KCNN3: variants seen among roughly 807,000 people sequenced by gnomAD.
The protein encoded by KCNN3 is small conductance calcium-activated potassium channel protein 3.
Under a neutral mutation model 62.9 loss-of-function variants are expected in KCNN3, and 16 were observed. That is an observed-to-expected ratio of 0.25 (90% CI 0.17 to 0.39). KCNN3 has a LOEUF of 0.39. Ranked by LOEUF, KCNN3 falls within the 10% of genes least tolerant of loss-of-function variation. The pLI is 1.00. For synonymous variants in KCNN3, 370 were observed against 389.2 expected (o/e 0.95, Z 0.58); for missense variants, 599 against 949.4 (o/e 0.63, Z 4.85).
intron 2 of KCNN3, among the ~76,000 whole-genome samples, chr1:154,775,408 C>A (rs1318388186): frequency 6.6e-6 from 1 of 152,128 alleles, no homozygotes; most frequent in African/African-American, 2.4e-5. Context: ...CCTTGCCGAG[C>A]CTCAGTTTCT....
At position 154,715,012 on chromosome 1, in the gene KCNN3, GAATA is replaced by G. The variant is rs1384807927; in HGVS notation, c.1702-13_1702-10del. ...GCTGCAGCATTCTTGATCTAAGGAA[GAATA>G]AATAAAGTAGGCTGCTATCAGGTTC... On this transcript the variant is annotated splice_polypyrimidine_tract_variant and intron_variant, in intron 5 of 7. Transcript: ENST00000271915. 1.9e-6 allele frequency: 3 copies of G among 1,613,518 alleles called. No homozygotes were observed.
Position 154,772,482 on chromosome 1 carries a change from G to T in KCNN3, c.1030-89C>A. The T allele has an allele frequency of 7.4e-7, 1 of 1,344,908 alleles. No individual in the cohort carries two copies. Among genetic ancestry groups the T allele is most frequent in the Non-Finnish European group, 1.1e-6 (1 of 951,542 alleles). 83.3% of individuals were successfully genotyped at this position (1,344,908 alleles called of 1,614,324 possible). A position where few individuals can be genotyped will look rare whatever the true frequency, so the allele number is the denominator to read the frequency against. On this transcript the variant is annotated intron_variant, in intron 2 of 7. Coordinates refer to ENST00000271915, the MANE Select transcript of KCNN3 (RefSeq NM_002249.6). The surrounding 1 kb of genome is among the most constrained non-coding windows in gnomAD (Gnocchi z 5.6). ...AGGACAGGTGGGGCAGGCTGGGGCA[G>T]GCTGCTGGGCTCAGGTCAGCCTGAC...
intron 2 of KCNN3, among the ~76,000 whole-genome samples, chr1:154,808,635 T>G (rs1356639431): frequency 2.6e-5 from 4 of 152,114 alleles, no homozygotes; most frequent in Non-Finnish European, 5.9e-5. Flanking sequence ...CTGAATGAAT[T>G]AATCACCTTT....
At chr1:154,732,329 G>A in intron 4 of KCNN3, among the ~76,000 whole-genome samples, 1 of 152,248 alleles carries the variant, frequency 6.6e-6, no homozygotes, top group East Asian at 1.9e-4. Context: ...GCACTGGGCA[G>A]GAGAGATACA....
At chr1:154,834,360 C>T (rs1651495836) in intron 1 of KCNN3, among the ~76,000 whole-genome samples, 1 of 152,234 alleles carries the variant, frequency 6.6e-6, no homozygotes, top group South Asian at 2.1e-4. Flanking sequence ...GATGCAAAGA[C>T]TCCTTGGGTG....
chr1:154,760,714 G>A (rs1647965292), intron 3 of KCNN3, among the ~76,000 whole-genome samples: 2 of 152,224 alleles, frequency 1.3e-5, no homozygotes, highest in South Asian at 4.1e-4. Flanking sequence ...CAACACCGCG[G>A]GGACGCCCGG....
chr1:154,860,486 G>A (rs1331717523), intron 1 of KCNN3, among the ~76,000 whole-genome samples: 1 of 152,184 alleles, frequency 6.6e-6, no homozygotes, highest in Non-Finnish European at 1.5e-5. Context: ...CTAACTGAGT[G>A]TAGAATAACA....
At chr1:154,811,724 A>T (rs901305618) in intron 2 of KCNN3, among the ~76,000 whole-genome samples, 1 of 152,224 alleles carries the variant, frequency 6.6e-6, no homozygotes, top group Non-Finnish European at 1.5e-5. Flanking sequence ...TCTCTTAAAA[A>T]CAGGAAAATG....
chr1:154,725,439 G>A (rs1008755877), intron 5 of KCNN3, among the ~76,000 whole-genome samples: 2 of 152,076 alleles, frequency 1.3e-5, no homozygotes, highest in Non-Finnish European at 2.9e-5. Context: ...GGAACCCGGC[G>A]TATGAAGGTG....
At position 154,745,708 on chromosome 1, in the gene KCNN3, A is replaced by G. The variant is rs555954115; in HGVS notation, c.1449-12564T>C. The stretch of plus-strand genomic sequence containing the variant: ...ACTGTCAACCTCTTTGAAATTAAAA[A>G]CCAGATGGCTCATCTGGCAAATCCT... On this transcript the variant is annotated intron_variant, in intron 3 of 7. Transcript: ENST00000271915. Among the ~76,000 whole-genome samples, 115 of 152,226 alleles carry G rather than the reference A, an allele frequency of 7.6e-4. 1 individual carries two copies. Among genetic ancestry groups the G allele is most frequent in the African/African-American group, 2.7e-3 (111 of 41,536 alleles).
chr1:154,847,773 G>A (rs894228835), intron 1 of KCNN3, among the ~76,000 whole-genome samples: 8 of 152,042 alleles, frequency 5.3e-5, no homozygotes, highest in Admixed American at 3.9e-4. Context: ...TAAAAACAGA[G>A]GCCATTTATT....
At chr1:154,782,191 G>A (rs1482520912) in intron 2 of KCNN3, among the ~76,000 whole-genome samples, 1 of 152,194 alleles carries the variant, frequency 6.6e-6, no homozygotes, top group Admixed American at 6.5e-5. Context: ...CACAGAAGGA[G>A]CTTCCTCAAA....
chr1:154,853,348 T>A (rs1652381237), intron 1 of KCNN3, among the ~76,000 whole-genome samples: 1 of 151,480 alleles, frequency 6.6e-6, no homozygotes, highest in Non-Finnish European at 1.5e-5. Flanking sequence ...GTTTTTGTTT[T>A]TGTTTGAGAC....
At position 154,869,840 on chromosome 1, in the gene KCNN3, GGCTGCTGCTGCTGTTGCTGCT is replaced by G; in HGVS notation, c.104_124del (p.Gln35_Gln41del). ...GGCTGCTGGTGGCGCTGGCGGTGGT[GGCTGCTGCTGCTGTTGCTGCT>G]GCTGCTGCTGCTGCTGCTCATCCCC... On this transcript the variant is annotated inframe_deletion, in exon 1 of 8. Transcript: ENST00000271915. This position sits in a 1 kb window ranked among gnomAD's most constrained non-coding sequence, Gnocchi z 6.1. 1 of 1,571,750 alleles carries G rather than the reference GGCTGCTGCTGCTGTTGCTGCT, an allele frequency of 6.4e-7. No individual in the cohort carries two copies. Among genetic ancestry groups the G allele is most frequent in the Non-Finnish European group, 8.6e-7 (1 of 1,157,606 alleles).
chr1:154,870,159 G>A lies in KCNN3; in HGVS notation c.-195C>T, dbSNP rs1480611305. The A allele has an allele frequency of 9.6e-6, 7 of 729,494 alleles. No individual in the cohort carries two copies. In the East Asian group the frequency reaches 1.9e-4, roughly 20 times the overall value. The allele number at this position is 729,494 out of a possible 1,614,324, so 45.2% of individuals were successfully genotyped here. A position where few individuals can be genotyped will look rare whatever the true frequency, so the allele number is the denominator to read the frequency against. Reference sequence around the variant, plus strand: ...CTGCCACTCAAGAATGCATTGTATTGGGCAGGGAGGGAGAGCAGGAGGGGA... The same window carrying A: ...CTGCCACTCAAGAATGCATTGTATTAGGCAGGGAGGGAGAGCAGGAGGGGA... On this transcript the variant is annotated 5_prime_UTR_variant, in exon 1 of 8. Coordinates refer to ENST00000271915, the MANE Select transcript of KCNN3 (RefSeq NM_002249.6).
chr1:154,868,124 G>A lies in KCNN3; in HGVS notation c.933+908C>T, dbSNP rs1653023716. 6.1e-6 allele frequency: 6 copies of A among 985,576 alleles called. No homozygotes were observed. The South Asian group carries it at 2.3e-4, about 39-fold the overall frequency. The allele number at this position is 985,576 out of a possible 1,614,324, so 61.1% of individuals were successfully genotyped here. A position where few individuals can be genotyped will look rare whatever the true frequency, so the allele number is the denominator to read the frequency against. On this transcript the variant is annotated intron_variant, in intron 1 of 7. Transcript: ENST00000271915. ...ATTTATCCCAAGGAGGAGTTGAGGT[G>A]GGAGGGGAGAACTGGGGCTGAGCTG...
chr1:154,869,309 A>G lies in KCNN3; in HGVS notation c.656T>C (p.Ile219Thr), dbSNP rs571743632. ...GTTGTCCTCCCGGGAGGAGATGACG[A>G]TCTCCGGGGGGTTGCTAGGGCTGAA... is the stretch of plus-strand genomic sequence containing the variant. The part of the protein sequence containing the change: ...QLFSPSNPPE[I>T]VISSREDNHA... The change falls in exon 1 of 8, where the codon ATC becomes ACC. Residue 219 changes from isoleucine to threonine, a missense_variant. By Grantham distance (89) the Ile-to-Thr change is moderately conservative. Coordinates refer to ENST00000271915, the MANE Select transcript of KCNN3 (RefSeq NM_002249.6). This position sits in a 1 kb window ranked among gnomAD's most constrained non-coding sequence, Gnocchi z 6.1. The G allele has an allele frequency of 6.2e-7, 1 of 1,613,340 alleles. No individual in the cohort carries two copies. Among genetic ancestry groups the G allele is most frequent in the African/African-American group, 1.3e-5 (1 of 74,918 alleles).
At chr1:154,853,447 C>T (rs1209553587) in intron 1 of KCNN3, among the ~76,000 whole-genome samples, 2 of 151,984 alleles carry the variant, frequency 1.3e-5, no homozygotes, top group African/African-American at 4.8e-5. Flanking sequence ...GCGATCCTCC[C>T]ACCTCAGACT....
chr1:154,736,832 T>G (rs1018235784), intron 3 of KCNN3, among the ~76,000 whole-genome samples: 16 of 152,148 alleles, frequency 1.1e-4, no homozygotes, highest in Non-Finnish European at 1.5e-4. Flanking sequence ...TGGGTTTCTT[T>G]TTTCATTCAC....
Sources: gnomAD v4.1 joint callset for allele counts (sites outside exome capture counted in the v4.1 genomes callset) on GRCh38, gnomAD v4.1.1 for gene constraint, Gnocchi (gnomAD v3.1) non-coding constraint, MANE v1.5 for transcripts, NCBI Gene and HGNC (gene_info 2026-07-23, HGNC 2026-07-21) for gene names.